The following BEND6 variants were observed in gnomAD, a reference collection of about 807,000 sequenced individuals.
BEND6 encodes BEN domain containing 6, also known as BEN domain-containing protein 6.
Under a neutral mutation model 31.8 loss-of-function variants are expected in BEND6, and 24 were observed. The observed-to-expected ratio is 0.75, with a 90% CI of 0.55 to 1.06. BEND6 has a LOEUF of 1.06. Ranked by LOEUF, BEND6 falls within the 50% of genes least tolerant of loss-of-function variation. The pLI, the probability that BEND6 is intolerant of heterozygous loss-of-function variation, is 0.00. For missense variants in BEND6, 294 were observed against 327.4 expected (o/e 0.90, Z 0.79); for synonymous variants, 109 against 114.6 (o/e 0.95, Z 0.31).
At chr6:56,984,559 C>T (rs1826188851) in intron 2 of BEND6, among the ~76,000 whole-genome samples, 1 of 152,192 alleles carries the variant, frequency 6.6e-6, no homozygotes, top group African/African-American at 2.4e-5. Context: ...GAGGTAAAAA[C>T]AGTCACATGC....
intron 3 of BEND6, among the ~76,000 whole-genome samples, chr6:57,003,298 G>A (rs753574593): frequency 3.3e-5 from 5 of 152,080 alleles, no homozygotes; most frequent in Non-Finnish European, 5.9e-5. Context: ...CTCAGAGTTC[G>A]AGATCAGCTG....
At chr6:56,980,026 C>T (rs1826015946) in intron 1 of BEND6, among the ~76,000 whole-genome samples, 1 of 152,224 alleles carries the variant, frequency 6.6e-6, no homozygotes, top group Admixed American at 6.5e-5. Context: ...ACATTCTCCA[C>T]TGTGTGAGGT....
intron 3 of BEND6, among the ~76,000 whole-genome samples, chr6:56,999,019 G>T (rs530847735): frequency 6.6e-6 from 1 of 152,204 alleles, no homozygotes; most frequent in African/African-American, 2.4e-5. Flanking sequence ...TGAAGCCATG[G>T]TGCAGCAGTT....
intron 1 of BEND6, among the ~76,000 whole-genome samples, chr6:56,980,751 A>G (rs915238186): frequency 2.0e-5 from 3 of 152,188 alleles, no homozygotes; most frequent in African/African-American, 7.2e-5. Context: ...AATAGTGACA[A>G]TGTAATTTGG....
At chr6:57,024,673 T>C (rs948117871) in intron 6 of BEND6, among the ~76,000 whole-genome samples, 20 of 152,186 alleles carry the variant, frequency 1.3e-4, no homozygotes, top group Non-Finnish European at 2.5e-4. Context: ...ATTTGTTACA[T>C]GCTTTTGGGT....
intron 3 of BEND6, among the ~76,000 whole-genome samples, chr6:57,011,109 A>G (rs1298306483): frequency 6.6e-6 from 1 of 152,230 alleles, no homozygotes. Flanking sequence ...AATAATCAAT[A>G]AACAAATTAT....
At chr6:56,982,170 G>A (rs565679853) in intron 2 of BEND6, among the ~76,000 whole-genome samples, 30 of 152,108 alleles carry the variant, frequency 2.0e-4, no homozygotes, top group African/African-American at 6.0e-4. Flanking sequence ...ATCCTCCCAC[G>A]TCAGCCTCTC....
chr6:57,013,713 T>C (rs986561437), intron 3 of BEND6: 1 of 152,436 alleles, frequency 6.6e-6, no homozygotes, highest in Non-Finnish European at 1.5e-5. Context: ...TCCCAGGAAC[T>C]GGGACAAAGG....
chr6:57,015,204 A>G lies in BEND6; in HGVS notation c.370A>G (p.Thr124Ala), dbSNP rs1033450509. The G allele has an allele frequency of 6.2e-7, 1 of 1,614,158 alleles. No homozygotes were observed. Among genetic ancestry groups the G allele is most frequent in the Admixed American group, 1.7e-5 (1 of 60,030 alleles). The part of the protein sequence containing the change: ...MAEALLKGGG[T>A]MSTSASTLWR... ...CGAGGCTCTGCTTAAGGGTGGGGGA[A>G]CCATGTCTACATCTGCATCCACCCT... Residue 124 changes from threonine (T) to alanine (A), a missense_variant, in exon 4 of 7, where the codon ACC (threonine) becomes GCC (alanine). Physicochemically the swap from Thr to Ala is moderately conservative, Grantham distance 58. Coordinates refer to ENST00000370746, the MANE Select transcript of BEND6 (RefSeq NM_152731.3).
intron 6 of BEND6, among the ~76,000 whole-genome samples, chr6:57,022,424 A>T (rs1593034033): frequency 6.6e-6 from 1 of 151,908 alleles, no homozygotes; most frequent in South Asian, 2.1e-4. Flanking sequence ...AGAGTTTTTC[A>T]TAATACTCTC....
intron 1 of BEND6, among the ~76,000 whole-genome samples, chr6:56,977,438 C>T (rs1397225804): frequency 1.3e-5 from 2 of 151,814 alleles, no homozygotes; most frequent in African/African-American, 2.4e-5. Flanking sequence ...TTGAGTACAA[C>T]CTGAAGTGGA....
At chr6:57,007,427 C>A (rs1454423911) in intron 3 of BEND6, among the ~76,000 whole-genome samples, 1 of 151,982 alleles carries the variant, frequency 6.6e-6, no homozygotes, top group African/African-American at 2.4e-5. Flanking sequence ...AACAATGAAA[C>A]TACTAGAAGA....
Position 56,987,852 on chromosome 6 carries a change from C to CAT in BEND6, c.121-4517_121-4516dup, listed in dbSNP as rs544299677. 7.9e-5 allele frequency among the ~76,000 whole-genome samples: 12 copies of CAT among 151,970 alleles called. No individual in the cohort carries two copies. In the South Asian group the frequency reaches 1.3e-3, roughly 16 times the overall value. On this transcript the variant is annotated intron_variant, in intron 2 of 6. Coordinates refer to ENST00000370746, the MANE Select transcript of BEND6 (RefSeq NM_152731.3). ...TTTTCCAGATTTGGATATATATATA[C>CAT]ATATATATATGCCAGTTTGGTAGTT...
chr6:56,971,899 A>G (rs1395280527), intron 1 of BEND6, among the ~76,000 whole-genome samples: 2 of 152,016 alleles, frequency 1.3e-5, no homozygotes, highest in Non-Finnish European at 2.9e-5. Flanking sequence ...CTCACATTCT[A>G]TGGGTTGCCT....
At chr6:57,004,399 T>G in intron 3 of BEND6, 1 of 529,450 alleles carries the variant, frequency 1.9e-6, no homozygotes, top group African/African-American at 1.9e-5. Context: ...CAACAGTGCT[T>G]GGACAGAACC....
rs185057189 is a variant in BEND6, at chr6:57,016,319, C to T, written c.520-888C>T. ...GTATCAGTTACCTATTGCTATATAA[C>T]ACATTATCACAAATTTAGTGATTTC... On this transcript the variant is annotated intron_variant, in intron 4 of 6. Coordinates refer to ENST00000370746, the MANE Select transcript of BEND6 (RefSeq NM_152731.3). Among the ~76,000 whole-genome samples, 874 of 152,242 alleles carry T rather than the reference C, an allele frequency of 5.7e-3. 5 individuals carry two copies. Among genetic ancestry groups the T allele is most frequent in the Middle Eastern group, 0.017 (5 of 294 alleles).
At chr6:56,997,658 A>T (rs1015652523) in intron 3 of BEND6, among the ~76,000 whole-genome samples, 30 of 152,158 alleles carry the variant, frequency 2.0e-4, no homozygotes. Flanking sequence ...GGTTCACGCC[A>T]TTCTCCTGCC....
At chr6:56,963,377 A>T (rs570262204) in intron 1 of BEND6, among the ~76,000 whole-genome samples, 52 of 152,178 alleles carry the variant, frequency 3.4e-4, no homozygotes, top group Non-Finnish European at 1.8e-4. Context: ...CACACCTACT[A>T]ATCCAGCAAT....
At chr6:56,967,427 G>T (rs1825521552) in intron 1 of BEND6, among the ~76,000 whole-genome samples, 1 of 152,146 alleles carries the variant, frequency 6.6e-6, no homozygotes. Context: ...CAGGAAGGGA[G>T]CCGGGAGGAT....
Sources: allele counts gnomAD v4.1 joint callset (sites outside exome capture counted in the v4.1 genomes callset), GRCh38; gene constraint gnomAD v4.1.1; transcripts MANE v1.5; gene names NCBI Gene and HGNC (gene_info 2026-07-23, HGNC 2026-07-21).